Variants in CRAMP1 observed in about 807,000 individuals in gnomAD.
The protein encoded by CRAMP1 is cramped chromatin regulator 1.
In CRAMP1, 50 loss-of-function variants were observed where a neutral mutation model predicts 115.4. The ratio of observed to expected loss-of-function variants is 0.43; its 90% CI spans 0.35 to 0.55. The LOEUF (loss-of-function observed/expected upper bound fraction) is 0.55, where lower values mean the gene tolerates loss of function less well. Ranked by LOEUF, CRAMP1 falls within the 20% of genes least tolerant of loss-of-function variation. The pLI, the probability that CRAMP1 is intolerant of heterozygous loss-of-function variation, is 0.01. For missense variants in CRAMP1, 1,679 were observed against 1,721.7 expected (o/e 0.98, Z 0.44); for synonymous variants, 866 against 745.4 (o/e 1.16, Z -2.64).
chr16:1,642,897 A>G (rs1567453565), intron 6 of CRAMP1, among the ~76,000 whole-genome samples: 1 of 152,232 alleles, frequency 6.6e-6, no homozygotes, highest in Admixed American at 6.5e-5. Flanking sequence ...GCCAAAACAC[A>G]GATGTGCTGC....
intron 6 of CRAMP1, among the ~76,000 whole-genome samples, chr16:1,649,695 T>C (rs1396345605): frequency 6.6e-6 from 1 of 151,898 alleles, no homozygotes; most frequent in Non-Finnish European, 1.5e-5. Flanking sequence ...TTCACCGTGT[T>C]AACCAGGATG....
rs371073011 is a variant in CRAMP1 at position 1,656,027 on chromosome 16, G to C, written c.1270G>C (p.Val424Leu). ...GGTGCACTCCAAGGCCTTCTGCACAGTGCACTGGCAGGAGGGCGGCCGGTG... is the reference window on the plus strand; with the variant it reads ...GGTGCACTCCAAGGCCTTCTGCACACTGCACTGGCAGGAGGGCGGCCGGTG... ...RVVHSKAFCT[V>L]HWQEGGRCKQ... The change falls in exon 10 of 21, where the codon GTG (valine) becomes CTG (leucine). Residue 424 changes from valine to leucine, a missense_variant. By Grantham distance (32) the Val-to-Leu change is conservative. Around this residue, in one of 8 missense-constraint regions of CRAMP1, gnomAD observed 191 missense variants for 236.2 expected, o/e 0.81. Coordinates refer to ENST00000397412, the MANE Select transcript of CRAMP1 (RefSeq NM_020825.4). This position sits in a 1 kb window ranked among gnomAD's most constrained non-coding sequence, Gnocchi z 5.6. 1 of 1,612,444 alleles carries C rather than the reference G, an allele frequency of 6.2e-7. No individual in the cohort carries two copies. The highest frequency in any genetic ancestry group is 1.3e-5 in the African/African-American group (1 of 74,938).
rs749413888 is a variant in CRAMP1 at position 1,666,619 on chromosome 16, G to A, written c.3036+19G>A. The A allele has an allele frequency of 5.0e-6, 8 of 1,605,996 alleles. No homozygotes were observed. The highest frequency in any genetic ancestry group is 1.3e-5 in the African/African-American group (1 of 74,912). ...CGTGGGGGTGAGTATGTTTAGAAGG[G>A]CTTTTCAGCATTACCACCAACTTCT... On this transcript the variant is annotated intron_variant, in intron 16 of 20. Coordinates refer to ENST00000397412, the MANE Select transcript of CRAMP1 (RefSeq NM_020825.4). This position sits in a 1 kb window ranked among gnomAD's most constrained non-coding sequence, Gnocchi z 5.0.
chr16:1,673,970 C>T lies in CRAMP1; in HGVS notation c.3735C>T (p.Ile1245=), dbSNP rs750837421. 8.1e-6 allele frequency: 13 copies of T among 1,613,206 alleles called. No homozygotes were observed. The highest frequency in any genetic ancestry group is 2.7e-5 in the African/African-American group (2 of 74,922). Residue 1245 remains isoleucine (I), a synonymous_variant, in exon 21 of 21, where the codon ATC becomes ATT. Transcript: ENST00000397412. ...RFNDLAQELS[I]AEPGRREALF... ...ATGACCTGGCCCAAGAGCTGTCCAT[C>T]GCTGAGCCTGGCCGCCGAGAAGCTC... is the stretch of plus-strand genomic sequence containing the variant.
rs1186912039 is a variant in CRAMP1, at chr16:1,614,455, C to CG, written c.-1-179dup. On this transcript the variant is annotated intron_variant, in intron 1 of 20. Coordinates refer to ENST00000397412, the MANE Select transcript of CRAMP1 (RefSeq NM_020825.4). This position sits in a 1 kb window ranked among gnomAD's most constrained non-coding sequence, Gnocchi z 4.4. ...AGGGTCCCGGGCTGGTGGGCAGGGC[C>CG]GGGGGCGGCGGCGTGGGGGCGGCAG... 1.7e-5 allele frequency among the ~76,000 whole-genome samples: 2 copies of CG among 117,698 alleles called. No individual in the cohort carries two copies. The highest frequency in any genetic ancestry group is 3.6e-5 in the Non-Finnish European group (2 of 56,068). The allele number at this position is 117,698 out of a possible 152,430, so 77.2% of individuals were successfully genotyped here.
chr16:1,662,687 C>G lies in CRAMP1; in HGVS notation c.2595+16C>G. On this transcript the variant is annotated intron_variant, in intron 12 of 20. Coordinates refer to ENST00000397412, the MANE Select transcript of CRAMP1 (RefSeq NM_020825.4). ...CTCCATCAGTGTGAGTGTGTGGGGC[C>G]GGGCCGCCCGCGTGCGAGCGTCCCC... The G allele has an allele frequency of 6.2e-7, 1 of 1,613,826 alleles. No homozygotes were observed. Among genetic ancestry groups the G allele is most frequent in the African/African-American group, 1.3e-5 (1 of 75,062 alleles).
chr16:1,646,944 C>G (rs1042651599), intron 6 of CRAMP1: 8 of 666,996 alleles, frequency 1.2e-5, no homozygotes, highest in Non-Finnish European at 1.1e-5. Flanking sequence ...TGTCAAACAT[C>G]AGTTGACTGT....
At chr16:1,665,495 C>T (rs186096501) in intron 14 of CRAMP1, among the ~76,000 whole-genome samples, 4 of 152,236 alleles carry the variant, frequency 2.6e-5, no homozygotes, top group Admixed American at 2.0e-4. Context: ...ATTATGCTTC[C>T]ATCAGTCTGT....
intron 2 of CRAMP1, among the ~76,000 whole-genome samples, chr16:1,620,433 C>T (rs776906253): frequency 9.9e-5 from 15 of 152,092 alleles, no homozygotes; most frequent in African/African-American, 1.9e-4. Flanking sequence ...ATGGGGGAGA[C>T]GGGTGTGTTC....
intron 9 of CRAMP1, 139 bp downstream of exon 9, chr16:1,655,439 A>T: frequency 1.4e-6 from 1 of 736,650 alleles, no homozygotes; most frequent in Non-Finnish European, 2.4e-6. Context: ...GTACATCTGG[A>T]ACCATAACCT....
chr16:1,657,026 C>A, intron 10 of CRAMP1, 34 bp downstream of exon 10: 1 of 1,461,460 alleles, frequency 6.8e-7, no homozygotes. Flanking sequence ...CTCTGGCGGC[C>A]CAAGGGAAGC....
intron 11 of CRAMP1, among the ~76,000 whole-genome samples, chr16:1,661,913 C>T (rs1014089057): frequency 3.3e-5 from 5 of 152,162 alleles, no homozygotes; most frequent in African/African-American, 1.2e-4. Flanking sequence ...GTTCTTTTAC[C>T]TCTGGGTCTG....
rs1346668981 is a variant in CRAMP1, at chr16:1,677,249, CCTGA to C, written c.*3207_*3210del. On this transcript the variant is annotated 3_prime_UTR_variant, in exon 21 of 21. Transcript: ENST00000397412. The stretch of plus-strand genomic sequence containing the variant: ...CCTGAGGTGGGGAGTATGAGACCAC[CCTGA>C]CTAACATGGAGAGACCCTGTCTCTA... 4 of 152,226 alleles carry C rather than the reference CCTGA, an allele frequency of 2.6e-5. No individual in the cohort carries two copies. Among genetic ancestry groups the C allele is most frequent in the Non-Finnish European group, 5.9e-5 (4 of 68,058 alleles). 9.4% of individuals were successfully genotyped at this position (152,226 alleles called of 1,614,324 possible). A position where few individuals can be genotyped will look rare whatever the true frequency, so the allele number is the denominator to read the frequency against.
Position 1,675,794 on chromosome 16 carries a change from A to T in CRAMP1, c.*1749A>T, listed in dbSNP as rs1169088217. ...AGACATTGACATGAGATCTTAAGCAAACAGTCCCAAACCTCTTAGGGGTGA... is the reference window on the plus strand; with the variant it reads ...AGACATTGACATGAGATCTTAAGCATACAGTCCCAAACCTCTTAGGGGTGA... On this transcript the variant is annotated 3_prime_UTR_variant, in exon 21 of 21. Coordinates refer to ENST00000397412, the MANE Select transcript of CRAMP1 (RefSeq NM_020825.4). 1 of 152,242 alleles carries T rather than the reference A, an allele frequency of 6.6e-6. No individual in the cohort carries two copies. Among genetic ancestry groups the T allele is most frequent in the Non-Finnish European group, 1.5e-5 (1 of 68,048 alleles). 9.4% of individuals were successfully genotyped at this position (152,242 alleles called of 1,614,324 possible).
chr16:1,645,147 C>T (rs1245931102), intron 6 of CRAMP1, among the ~76,000 whole-genome samples: 1 of 152,010 alleles, frequency 6.6e-6, no homozygotes, highest in Non-Finnish European at 1.5e-5. Context: ...CCTCCCCTGC[C>T]CCACACGATT....
At chr16:1,640,127 G>A (rs544282652) in intron 5 of CRAMP1, among the ~76,000 whole-genome samples, 2 of 152,226 alleles carry the variant, frequency 1.3e-5, no homozygotes, top group South Asian at 2.1e-4. Flanking sequence ...CTGAAGTTCC[G>A]TTTCCATCTG....
rs1039708181 is a variant in CRAMP1, at chr16:1,659,977, G to T, written c.2327G>T (p.Ser776Ile). 2.5e-6 allele frequency: 4 copies of T among 1,608,202 alleles called. No homozygotes were observed. The highest frequency in any genetic ancestry group is 3.4e-6 in the Non-Finnish European group (4 of 1,179,830). The change falls in exon 11 of 21, where the codon AGC becomes ATC. Residue 776 changes from serine (S) to isoleucine (I), a missense_variant. Coordinates refer to ENST00000397412, the MANE Select transcript of CRAMP1 (RefSeq NM_020825.4). ...MTPPGKVVTV[S>I]SRSPRCPRNQ... is the part of the protein sequence containing the mutation. ...CCCCCAGGGAAGGTGGTGACCGTCA[G>T]CTCTCGCAGCCCCCGCTGCCCTCGG...
At chr16:1,631,032 G>GT (rs1275247882) in intron 3 of CRAMP1, among the ~76,000 whole-genome samples, 1 of 152,136 alleles carries the variant, frequency 6.6e-6, no homozygotes, top group Non-Finnish European at 1.5e-5. Flanking sequence ...TAAATACCGT[G>GT]TTTCTCATCA....
In CRAMP1 at chr16:1,668,997, G is replaced by T; in HGVS notation, c.3335-4G>T. 1 of 1,612,682 alleles carries T rather than the reference G, an allele frequency of 6.2e-7. No homozygotes were observed. The highest frequency in any genetic ancestry group is 8.5e-7 in the Non-Finnish European group (1 of 1,179,318). ...CGTTTCTGATCTGGGATCTTGGTTG[G>T]CAGGTGAAGGAGTCCCTCTTTCTCC... is the stretch of plus-strand genomic sequence containing the variant. On this transcript the variant is annotated splice_polypyrimidine_tract_variant and splice_region_variant and intron_variant, in intron 18 of 20. Coordinates refer to ENST00000397412, the MANE Select transcript of CRAMP1 (RefSeq NM_020825.4).
Sources: gnomAD v4.1 joint callset for allele counts (sites outside exome capture counted in the v4.1 genomes callset) on GRCh38, gnomAD v4.1.1 for gene constraint, gnomAD v4.1.1 regional missense constraint, Gnocchi (gnomAD v3.1) non-coding constraint, MANE v1.5 for transcripts, NCBI Gene and HGNC (gene_info 2026-07-23, HGNC 2026-07-21) for gene names.